CHD1: variants seen among roughly 807,000 people sequenced by gnomAD.
CHD1 encodes the protein ATP-dependent chromatin remodeler CHD1.
CHD1 carries 36 observed loss-of-function variants against 224.2 expected under a neutral mutation model. The observed-to-expected ratio is 0.16, with a 90% CI of 0.12 to 0.21. The LOEUF is 0.21. Ranked by LOEUF, CHD1 falls within the 10% of genes least tolerant of loss-of-function variation. The pLI is 1.00. For missense variants in CHD1, 1,378 were observed against 1,994.8 expected (o/e 0.69, Z 5.89); for synonymous variants, 668 against 658.3 (o/e 1.01, Z -0.23).
rs112852027 is a variant in CHD1 at position 98,869,634 on chromosome 5, A to ACG, written c.4107+119_4107+120insCG. 7 of 923,504 alleles carry ACG rather than the reference A, an allele frequency of 7.6e-6. No individual in the cohort carries two copies. In the Admixed American group the frequency reaches 7.6e-5, roughly 10 times the overall value. The allele number at this position is 923,504 out of a possible 1,614,324, so 57.2% of individuals were successfully genotyped here. On this transcript the variant is annotated intron_variant, in intron 30 of 35. Coordinates refer to ENST00000614616, the MANE Select transcript of CHD1 (RefSeq NM_001270.4). ...CGCACGTGCGCGCGCACACACACAC[A>ACG]CACACACACACACACACAGACTTCG...
chr5:98,917,804 A>G (rs1385822723), intron 2 of CHD1, among the ~76,000 whole-genome samples: 1 of 152,196 alleles, frequency 6.6e-6, no homozygotes, highest in Non-Finnish European at 1.5e-5. Context: ...TTCTGAGTGC[A>G]ATTTAACATT....
At chr5:98,926,150 A>G (rs1396456371) in intron 2 of CHD1, among the ~76,000 whole-genome samples, 184 bp downstream of exon 2, 1 of 152,122 alleles carries the variant, frequency 6.6e-6, no homozygotes, top group Non-Finnish European at 1.5e-5. Flanking sequence ...AAATATAATT[A>G]AAACCTGTAT....
rs1331517036 is a variant in CHD1, at chr5:98,863,670, A to C, written c.4249-84T>G. 1.0e-5 allele frequency: 9 copies of C among 866,854 alleles called. No individual in the cohort carries two copies. The South Asian group carries it at 1.5e-4, about 14-fold the overall frequency. 53.7% of individuals were successfully genotyped at this position (866,854 alleles called of 1,614,324 possible). ...GTCTACCTCCTTCAATGATATTTACATGAGTATAATATTATAACACTGTTT... is the reference window on the plus strand; with the variant it reads ...GTCTACCTCCTTCAATGATATTTACCTGAGTATAATATTATAACACTGTTT... On this transcript the variant is annotated intron_variant, in intron 31 of 35. Transcript: ENST00000614616.
chr5:98,858,808 T>G, intron 34 of CHD1, 156 bp downstream of exon 34: 1 of 476,440 alleles, frequency 2.1e-6, no homozygotes, highest in East Asian at 3.4e-5. Context: ...TACATAATAA[T>G]GTAGGTATGT....
chr5:98,901,874 G>T (rs1012116964), intron 5 of CHD1, among the ~76,000 whole-genome samples: 30 of 151,906 alleles, frequency 2.0e-4, no homozygotes, highest in African/African-American at 9.7e-5. Flanking sequence ...AAAAATAATG[G>T]ATGTTAATAT....
rs1309627619 is a variant in CHD1 at position 98,883,843 on chromosome 5, ATATATATATATATATATATTTTTT to A, written c.2569-630_2569-607del. ...GGAGACTAAATATATATATATATATATATATATATATATATATATTTTTTTTTTTTTTTTTTTTTTTTGACAGAG... is the reference window on the plus strand; with the variant it reads ...GGAGACTAAATATATATATATATATATTTTTTTTTTTTTTTTTTGACAGAG... On this transcript the variant is annotated intron_variant, in intron 18 of 35. Transcript: ENST00000614616. 8 of 50,162 alleles carry A rather than the reference ATATATATATATATATATATTTTTT, an allele frequency of 1.6e-4. No homozygotes were observed. In the South Asian group the frequency reaches 3.5e-3, roughly 22 times the overall value. 3.1% of individuals were successfully genotyped at this position (50,162 alleles called of 1,614,324 possible). A position where few individuals can be genotyped will look rare whatever the true frequency, so the allele number is the denominator to read the frequency against.
At chr5:98,921,899 C>G (rs1358484576) in intron 2 of CHD1, among the ~76,000 whole-genome samples, 1 of 152,176 alleles carries the variant, frequency 6.6e-6, no homozygotes, top group Non-Finnish European at 1.5e-5. Flanking sequence ...TGCCTGTAAT[C>G]CCAGCACTTT....
intron 1 of CHD1, among the ~76,000 whole-genome samples, chr5:98,927,096 G>C (rs1290666419): frequency 6.6e-6 from 1 of 152,094 alleles, no homozygotes; most frequent in Non-Finnish European, 1.5e-5. Context: ...TATTTAACAG[G>C]TAAACGGATA....
At chr5:98,895,260 CAT>C (rs1355743932) in intron 12 of CHD1, among the ~76,000 whole-genome samples, 2 of 149,858 alleles carry the variant, frequency 1.3e-5, no homozygotes, top group Admixed American at 6.6e-5. Context: ...TTTAAGAAAA[CAT>C]AAGTGATTAA....
At chr5:98,896,771 T>C (rs1751366540) in intron 11 of CHD1, among the ~76,000 whole-genome samples, 1 of 131,536 alleles carries the variant, frequency 7.6e-6, no homozygotes, top group African/African-American at 2.9e-5. Flanking sequence ...AAGTAAAAAG[T>C]ATATAGGAAG....
chr5:98,881,048 T>C, intron 22 of CHD1, 28 bp downstream of exon 22: 1 of 1,343,720 alleles, frequency 7.4e-7, no homozygotes, highest in Non-Finnish European at 1.1e-6. Context: ...ATTTATGTAA[T>C]TACAAGGAAA....
At chr5:98,897,523 CCTT>C (rs1159953852) in intron 10 of CHD1, among the ~76,000 whole-genome samples, 4 of 152,058 alleles carry the variant, frequency 2.6e-5, no homozygotes, top group Non-Finnish European at 4.4e-5. Flanking sequence ...AAATATTTTG[CCTT>C]CTTTTTTAAA....
At chr5:98,874,605 G>A (rs1255514701) in intron 25 of CHD1, among the ~76,000 whole-genome samples, 1 of 149,922 alleles carries the variant, frequency 6.7e-6, no homozygotes, top group Non-Finnish European at 1.5e-5. Context: ...CCAGCTGCTC[G>A]AGAGGCTGAA....
chr5:98,883,507 AG>A (rs1028186170), intron 18 of CHD1, among the ~76,000 whole-genome samples: 19 of 152,244 alleles, frequency 1.2e-4, no homozygotes, highest in Admixed American at 3.9e-4. Context: ...AAAAAATAAA[AG>A]GCATATACCA....
chr5:98,892,863 A>G, intron 14 of CHD1, 150 bp from the exon 15 acceptor site: 1 of 491,912 alleles, frequency 2.0e-6, no homozygotes, highest in Non-Finnish European at 3.6e-6. Flanking sequence ...ACCTCTAAAA[A>G]TCTCCCTCCC....
chr5:98,894,587 A>G lies in CHD1; in HGVS notation c.1800+10T>C. On this transcript the variant is annotated intron_variant, in intron 13 of 35. Transcript: ENST00000614616. ...CAAGAGACCAAAACACGTGAGAAAT[A>G]AATACATACCTTATCTTTTAATAAA... 3 of 1,115,286 alleles carry G rather than the reference A, an allele frequency of 2.7e-6. No individual in the cohort carries two copies. The highest frequency in any genetic ancestry group is 3.9e-6 in the Non-Finnish European group (3 of 775,478). 69.1% of individuals were successfully genotyped at this position (1,115,286 alleles called of 1,614,324 possible). A position where few individuals can be genotyped will look rare whatever the true frequency, so the allele number is the denominator to read the frequency against.
chr5:98,924,681 A>C (rs779703892), intron 2 of CHD1, among the ~76,000 whole-genome samples: 7 of 152,224 alleles, frequency 4.6e-5, no homozygotes, highest in Non-Finnish European at 1.0e-4. Flanking sequence ...AGGTCAGAAA[A>C]TTCCAAGTGT....
At chr5:98,928,264 G>C (rs939130063) in intron 1 of CHD1, among the ~76,000 whole-genome samples, 4 of 152,030 alleles carry the variant, frequency 2.6e-5, no homozygotes, top group Non-Finnish European at 4.4e-5. Flanking sequence ...CCATTCGCGG[G>C]TCTCCTCTCG....
Position 98,898,267 on chromosome 5 carries a change from T to G in CHD1, c.1354A>C (p.Lys452Gln). 3.3e-6 allele frequency: 5 copies of G among 1,524,216 alleles called. No individual in the cohort carries two copies. Among genetic ancestry groups the G allele is most frequent in the Non-Finnish European group, 4.4e-6 (5 of 1,137,802 alleles). 94.4% of individuals were successfully genotyped at this position (1,524,216 alleles called of 1,614,324 possible). A position where few individuals can be genotyped will look rare whatever the true frequency, so the allele number is the denominator to read the frequency against. Reference protein sequence around the residue: ...SRNQSKTTPFKDCKVLKQRPR... With the variant: ...SRNQSKTTPFQDCKVLKQRPR... ...TAGACAATACTCACTTTGCAATCTT[T>G]AAAAGGAGTGGTTTTTGATTGGTTC... The change falls in exon 10 of 36, where the codon AAA becomes CAA. Residue 452 changes from lysine to glutamine, a missense_variant. Physicochemically the swap from Lys to Gln is moderately conservative, Grantham distance 53. Around this residue, in one of 16 missense-constraint regions of CHD1, gnomAD observed 86 missense variants for 97.7 expected, o/e 0.88. Transcript: ENST00000614616.
Sources: allele counts gnomAD v4.1 joint callset (sites outside exome capture counted in the v4.1 genomes callset), GRCh38; gene constraint gnomAD v4.1.1; regional missense constraint gnomAD v4.1.1; transcripts MANE v1.5; gene names NCBI Gene and HGNC (gene_info 2026-07-23, HGNC 2026-07-21).